Variants in ELMO1 observed in about 807,000 individuals in gnomAD.
The protein encoded by ELMO1 is engulfment and cell motility protein 1.
ELMO1 carries 26 observed loss-of-function variants against 98.9 expected under a neutral mutation model. The observed-to-expected ratio is 0.26, with a 90% CI of 0.19 to 0.36. The LOEUF (loss-of-function observed/expected upper bound fraction) is 0.36. Ranked by LOEUF, ELMO1 falls within the 10% of genes least tolerant of loss-of-function variation. The pLI is 1.00. For synonymous variants in ELMO1, 346 were observed against 346.0 expected, an observed-to-expected ratio of 1.00 and a Z score of 0.00; for missense variants, 627 against 935.2, an observed-to-expected ratio of 0.67 and a Z score of 4.30.
chr7:36,872,921 G>A (rs1252232167), intron 19 of ELMO1, among the ~76,000 whole-genome samples: 1 of 152,198 alleles, frequency 6.6e-6, no homozygotes, highest in Non-Finnish European at 1.5e-5. Flanking sequence ...CAATTGGTAA[G>A]TTAGCCCTTA....
intron 1 of ELMO1, among the ~76,000 whole-genome samples, chr7:37,418,134 C>G (rs1171552675): frequency 6.6e-6 from 1 of 152,134 alleles, no homozygotes; most frequent in African/African-American, 2.4e-5. Flanking sequence ...CAGGCTCTCC[C>G]CAGCTACTCT....
At chr7:36,888,777 G>C (rs1805270506) in intron 17 of ELMO1, among the ~76,000 whole-genome samples, 1 of 152,206 alleles carries the variant, frequency 6.6e-6, no homozygotes, top group African/African-American at 2.4e-5. Flanking sequence ...ACATTCATCA[G>C]CTTCCACCTT....
chr7:37,233,240 G>A (rs772689697), intron 7 of ELMO1, 46 bp from the exon 8 acceptor site: 29 of 1,534,866 alleles, frequency 1.9e-5, no homozygotes, highest in Non-Finnish European at 2.4e-5. Flanking sequence ...CCAAAGCTGA[G>A]CAAAGACACA....
At chr7:37,244,441 T>A (rs1794898804) in intron 6 of ELMO1, 50 bp from the exon 7 acceptor site, 1 of 1,582,684 alleles carries the variant, frequency 6.3e-7, no homozygotes, top group African/African-American at 1.4e-5. Context: ...AAAGCAACAA[T>A]TTTTACACAA....
intron 19 of ELMO1, among the ~76,000 whole-genome samples, chr7:36,876,413 C>T (rs1452342068): frequency 2.7e-5 from 4 of 149,726 alleles, no homozygotes; most frequent in African/African-American, 9.8e-5. Flanking sequence ...TTTTTTTGGC[C>T]CAAGTTAAAA....
At chr7:36,877,625 G>T (rs1388601802) in intron 19 of ELMO1, among the ~76,000 whole-genome samples, 1 of 152,184 alleles carries the variant, frequency 6.6e-6, no homozygotes, top group Non-Finnish European at 1.5e-5. Flanking sequence ...AATAAATGTT[G>T]TAGGGGTCAG....
intron 16 of ELMO1, among the ~76,000 whole-genome samples, chr7:36,906,045 C>T (rs1480117663): frequency 6.6e-6 from 1 of 152,198 alleles, no homozygotes; most frequent in Non-Finnish European, 1.5e-5. Flanking sequence ...GCAGACTGCT[C>T]AAGCAAGACC....
At chr7:37,365,800 T>C (rs75303257) in intron 1 of ELMO1, among the ~76,000 whole-genome samples, 7,943 of 152,320 alleles carry the variant, frequency 0.052, 258 homozygotes, top group Middle Eastern at 0.11. Flanking sequence ...GGCAGAGACA[T>C]AGTAAAGTAT....
Position 37,342,491 on chromosome 7 carries a change from GCA to G in ELMO1, c.78+120_78+121del. The G allele has an allele frequency of 1.0e-6, 1 of 1,003,256 alleles. No homozygotes were observed. Among genetic ancestry groups the G allele is most frequent in the Non-Finnish European group, 1.6e-6 (1 of 635,432 alleles). The allele number at this position is 1,003,256 out of a possible 1,614,324, so 62.1% of individuals were successfully genotyped here. ...AATCAAGCACATTGCAACTATTATTGCACAGATTTTTCAACACAGCTAGAGAG... is the reference window on the plus strand; with the variant it reads ...AATCAAGCACATTGCAACTATTATTGCAGATTTTTCAACACAGCTAGAGAG... On this transcript the variant is annotated intron_variant, in intron 2 of 21. Transcript: ENST00000310758. The surrounding 1 kb of genome is among the most constrained non-coding windows in gnomAD (Gnocchi z 4.3).
intron 1 of ELMO1, chr7:37,393,892 G>A (rs2131429995): frequency 6.6e-6 from 1 of 152,240 alleles, no homozygotes; most frequent in South Asian, 2.1e-4. Context: ...TGCCTTGTAT[G>A]GTATAAGTGC....
chr7:37,216,548 C>T (rs1005737231), intron 11 of ELMO1, 97 bp downstream of exon 11: 1 of 1,420,822 alleles, frequency 7.0e-7, no homozygotes, highest in East Asian at 2.3e-5. Flanking sequence ...AGAAGGAAGT[C>T]ACAGAACAAA....
chr7:37,290,552 C>T (rs557830627), intron 4 of ELMO1, among the ~76,000 whole-genome samples: 3 of 152,162 alleles, frequency 2.0e-5, no homozygotes, highest in Admixed American at 6.5e-5. Flanking sequence ...GCTTAAAACA[C>T]GTACAATTTA....
At chr7:37,407,968 T>C (rs775577346) in intron 1 of ELMO1, among the ~76,000 whole-genome samples, 2 of 152,104 alleles carry the variant, frequency 1.3e-5, no homozygotes, top group Non-Finnish European at 2.9e-5. Flanking sequence ...TAGAAAAAAA[T>C]TGATTAATTT....
At chr7:37,320,256 C>T (rs1799412678) in intron 2 of ELMO1, among the ~76,000 whole-genome samples, 2 of 150,636 alleles carry the variant, frequency 1.3e-5, no homozygotes, top group South Asian at 2.1e-4. Flanking sequence ...TCCAGCCTGG[C>T]GACAGAGCAA....
intron 13 of ELMO1, among the ~76,000 whole-genome samples, chr7:37,207,664 C>T (rs1203179200): frequency 6.6e-6 from 1 of 151,806 alleles, no homozygotes; most frequent in Non-Finnish European, 1.5e-5. Flanking sequence ...TAGAAGATGG[C>T]TGGTGTAGTG....
chr7:37,357,405 G>A (rs1209339517), intron 1 of ELMO1, among the ~76,000 whole-genome samples: 1 of 152,112 alleles, frequency 6.6e-6, no homozygotes, highest in Non-Finnish European at 1.5e-5. Context: ...CTTTGCTGGC[G>A]AGACCTCAGC....
chr7:37,320,576 A>G (rs1459050702), intron 2 of ELMO1, among the ~76,000 whole-genome samples: 1 of 152,212 alleles, frequency 6.6e-6, no homozygotes, highest in Non-Finnish European at 1.5e-5. Context: ...TTATCTCCCT[A>G]AATAGATGTA....
chr7:37,299,585 C>T (rs1240073955), intron 4 of ELMO1, among the ~76,000 whole-genome samples: 4 of 57,952 alleles, frequency 6.9e-5, no homozygotes, highest in African/African-American at 1.5e-4. Context: ...TGTAGGTATG[C>T]GGCGTTATTT....
At chr7:37,077,980 A>G (rs533859676) in intron 15 of ELMO1, among the ~76,000 whole-genome samples, 2 of 152,274 alleles carry the variant, frequency 1.3e-5, no homozygotes, top group South Asian at 2.1e-4. Context: ...TTTTTATGTC[A>G]TAAGTAATGT....
Sources: allele counts gnomAD v4.1 joint callset (sites outside exome capture counted in the v4.1 genomes callset), GRCh38; gene constraint gnomAD v4.1.1; non-coding constraint Gnocchi (gnomAD v3.1); transcripts MANE v1.5; gene names NCBI Gene and HGNC (gene_info 2026-07-23, HGNC 2026-07-21).